The following RTL4 variants were observed in gnomAD, a reference collection of about 807,000 sequenced individuals.
RTL4 encodes retrotransposon Gag-like protein 4.
Under a neutral mutation model 5.3 loss-of-function variants are expected in RTL4, and 4 were observed. That is an observed-to-expected ratio of 0.75 (90% CI 0.37 to 1.72). The LOEUF (loss-of-function observed/expected upper bound fraction) is 1.72, where lower values mean the gene tolerates loss of function less well. RTL4 is among the 40% of genes most tolerant of loss of function. The pLI is 0.04. For synonymous variants in RTL4, 98 were observed against 87.3 expected (o/e 1.12, Z -0.68); for missense variants, 260 against 227.1 (o/e 1.14, Z -0.93).
At chrX:112,169,084 T>A in the RTL4 span, among the ~76,000 whole-genome samples, 1 of 42,747 alleles carries the variant, frequency 2.3e-5, no homozygotes, top group Non-Finnish European at 4.8e-5. Context: ...TCTTTCTTTC[T>A]TTTCTTTCTT....
the RTL4 span, among the ~76,000 whole-genome samples, chrX:112,121,022 A>C: frequency 9.0e-6 from 1 of 111,693 alleles, no homozygotes; most frequent in East Asian, 2.8e-4. Flanking sequence ...GGATCAGAAA[A>C]AAATAACTAA....
the RTL4 span, among the ~76,000 whole-genome samples, chrX:112,369,077 C>T: frequency 8.9e-6 from 1 of 112,406 alleles, no homozygotes; most frequent in South Asian, 3.6e-4. Context: ...ATGCAATGTA[C>T]CTACATACAC....
the RTL4 span, among the ~76,000 whole-genome samples, chrX:112,425,557 A>T: frequency 9.0e-6 from 1 of 111,435 alleles, no homozygotes; most frequent in Admixed American, 9.6e-5. Context: ...AATGAATAAG[A>T]GTTCCTGTTG....
the RTL4 span, among the ~76,000 whole-genome samples, chrX:112,208,764 G>A: frequency 1.8e-5 from 2 of 112,129 alleles, no homozygotes; most frequent in Non-Finnish European, 3.8e-5. Flanking sequence ...CTGACCTCAG[G>A]AGCATAGTTC....
chrX:112,397,330 A>C, the RTL4 span, among the ~76,000 whole-genome samples: 7 of 111,797 alleles, frequency 6.3e-5, no homozygotes, highest in Non-Finnish European at 1.3e-4. Context: ...TAGTTGTTCT[A>C]TTATATCGTT....
At chrX:112,106,018 G>T in the RTL4 span, among the ~76,000 whole-genome samples, 1 of 111,884 alleles carries the variant, frequency 8.9e-6, no homozygotes, top group Non-Finnish European at 1.9e-5. Flanking sequence ...CCATGGGTTT[G>T]TCATAGGTTA....
At chrX:112,253,752 T>C in the RTL4 span, among the ~76,000 whole-genome samples, 1 of 112,485 alleles carries the variant, frequency 8.9e-6, no homozygotes, top group East Asian at 2.8e-4. Context: ...TAGGCCTCAA[T>C]CTTAGCCCCT....
chrX:112,235,605 A>G, the RTL4 span, among the ~76,000 whole-genome samples: 1 of 112,131 alleles, frequency 8.9e-6, no homozygotes, highest in Non-Finnish European at 1.9e-5. Context: ...TTATTGGGGA[A>G]TACCTTCTTA....
the RTL4 span, among the ~76,000 whole-genome samples, chrX:112,368,172 G>A: frequency 9.0e-6 from 1 of 111,718 alleles, no homozygotes; most frequent in Non-Finnish European, 1.9e-5. Flanking sequence ...GAGACAGGTA[G>A]TATGGTTGGG....
At chrX:112,099,226 A>G in the RTL4 span, among the ~76,000 whole-genome samples, 1 of 112,054 alleles carries the variant, frequency 8.9e-6, no homozygotes, top group South Asian at 3.7e-4. Context: ...TGGGTGAAGG[A>G]TGTGAACAGT....
chrX:112,236,778 A>G, the RTL4 span, among the ~76,000 whole-genome samples: 1 of 110,157 alleles, frequency 9.1e-6, no homozygotes, highest in East Asian at 2.9e-4. Context: ...ATATGTCCAC[A>G]TTCTAATCTC....
the RTL4 span, among the ~76,000 whole-genome samples, chrX:112,405,933 A>G: frequency 9.0e-6 from 1 of 110,852 alleles, no homozygotes; most frequent in East Asian, 2.9e-4. Context: ...GGGAGAATTC[A>G]GCAACTGTGA....
At chrX:112,087,651 G>T in the RTL4 span, among the ~76,000 whole-genome samples, 2 of 111,638 alleles carry the variant, frequency 1.8e-5, no homozygotes, top group African/African-American at 6.5e-5. Flanking sequence ...GTAGGTGGTG[G>T]TAAAGGGTGT....
At chrX:112,277,923 GAAGT>G in the RTL4 span, among the ~76,000 whole-genome samples, 1 of 111,779 alleles carries the variant, frequency 8.9e-6, no homozygotes, top group Admixed American at 9.5e-5. Context: ...TTCAAAAGTT[GAAGT>G]AAGGCTAAAA....
chrX:112,231,557 A>T, the RTL4 span, among the ~76,000 whole-genome samples: 27 of 77,293 alleles, frequency 3.5e-4, no homozygotes, highest in East Asian at 0.012. Context: ...AACATCACAC[A>T]CCAGGGACTG....
At chrX:112,335,152 C>T in the RTL4 span, among the ~76,000 whole-genome samples, 1 of 111,852 alleles carries the variant, frequency 8.9e-6, no homozygotes, top group African/African-American at 3.2e-5. Context: ...ACATATTTGT[C>T]ACATTTGCCA....
the RTL4 span, among the ~76,000 whole-genome samples, chrX:112,304,595 G>A: frequency 9.4e-6 from 1 of 106,737 alleles, no homozygotes; most frequent in Non-Finnish European, 1.9e-5. Context: ...AGTACTGCAG[G>A]AAAGCAACCT....
the RTL4 span, among the ~76,000 whole-genome samples, chrX:112,090,619 T>A: frequency 8.1e-5 from 9 of 111,541 alleles, no homozygotes; most frequent in African/African-American, 2.6e-4. Flanking sequence ...TGGTGTATAA[T>A]CTTTTTAATG....
At chrX:112,306,811 C>G in the RTL4 span, among the ~76,000 whole-genome samples, 1 of 111,602 alleles carries the variant, frequency 9.0e-6, no homozygotes, top group South Asian at 3.8e-4. Flanking sequence ...GTAGGAAACT[C>G]TACGCTCAAG....
Sources: gnomAD v4.1 joint callset for allele counts (sites outside exome capture counted in the v4.1 genomes callset) on GRCh38, gnomAD v4.1.1 for gene constraint, MANE v1.5 for transcripts, NCBI Gene and HGNC (gene_info 2026-07-23, HGNC 2026-07-21) for gene names.